Variants in MSH6 observed in about 807,000 individuals in gnomAD.
The protein encoded by MSH6 is DNA mismatch repair protein Msh6.
A neutral mutation model predicts 119.1 loss-of-function variants in MSH6; 85 were observed. The observed-to-expected ratio is 0.71, with a 90% confidence interval of 0.60 to 0.85. The LOEUF (loss-of-function observed/expected upper bound fraction) is 0.85. Ranked by LOEUF, MSH6 falls within the 40% of genes least tolerant of loss-of-function variation. The pLI is 0.00. For synonymous variants in MSH6, 830 were observed against 586.9 expected (o/e 1.41, Z -5.99); for missense variants, 2,163 against 1,655.3 (o/e 1.31, Z -5.32).
intron 2 of MSH6, among the ~76,000 whole-genome samples, chr2:47,792,697 CA>C (rs1668810490): frequency 2.0e-5 from 3 of 152,022 alleles, no homozygotes; most frequent in African/African-American, 7.2e-5. Flanking sequence ...ATGGGGGTCT[CA>C]CTCTGTCACC....
chr2:47,792,846 G>GTTTTTT (rs11335797), intron 2 of MSH6, among the ~76,000 whole-genome samples: 1 of 114,426 alleles, frequency 8.7e-6, no homozygotes, highest in African/African-American at 3.3e-5. Flanking sequence ...TTTTTATATA[G>GTTTTTT]TTTTTTTTTT....
At position 47,799,142 on chromosome 2, in the gene MSH6, G is replaced by A. The variant is rs746532720; in HGVS notation, c.1159G>A (p.Asp387Asn). The change falls in exon 4 of 10, where the codon GAT becomes AAT. Residue 387 changes from aspartate (D) to asparagine (N), a missense_variant. Transcript: ENST00000234420. ...KRRDEHRRRP[D>N]HPDFDASTLY... is the part of the protein sequence containing the mutation. ...AAGAGATGAGCACAGGAGGAGGCCT[G>A]ATCACCCCGATTTTGATGCATCTAC... 1.9e-6 allele frequency: 3 copies of A among 1,613,698 alleles called. No homozygotes were observed. In the East Asian group the frequency reaches 6.7e-5, roughly 36 times the overall value.
intron 2 of MSH6, among the ~76,000 whole-genome samples, chr2:47,792,027 G>C (rs1178960672): frequency 6.6e-6 from 1 of 152,092 alleles, no homozygotes; most frequent in South Asian, 2.1e-4. Context: ...TTTATTTCTA[G>C]TAGAGATGGG....
chr2:47,797,565 C>T (rs556949578), intron 3 of MSH6, among the ~76,000 whole-genome samples: 4 of 152,246 alleles, frequency 2.6e-5, no homozygotes, highest in South Asian at 2.1e-4. Context: ...ATGAGCATAT[C>T]GCCTCCTGAT....
intron 1 of MSH6, among the ~76,000 whole-genome samples, chr2:47,787,028 A>C (rs997483693): frequency 3.9e-5 from 6 of 152,168 alleles, no homozygotes; most frequent in African/African-American, 1.4e-4. Flanking sequence ...GGTTTTATTT[A>C]AGAAATCCAC....
In MSH6 at chr2:47,793,318, CAAAAAAAAAA is replaced by C. The variant is rs34250836; in HGVS notation, c.457+2215_457+2224del. On this transcript the variant is annotated intron_variant, in intron 2 of 9. Transcript: ENST00000234420. Reference sequence around the variant, plus strand: ...CCTGGGTGACAGAGCGAGACTGTCTCAAAAAAAAAAAAAAAAAAAAAAAAAAAAAGGCTGG... The same window carrying C: ...CCTGGGTGACAGAGCGAGACTGTCTCAAAAAAAAAAAAAAAAAAAGGCTGG... Among the ~76,000 whole-genome samples the C allele has an allele frequency of 1.2e-3, 58 of 48,820 alleles. 1 individual carries two copies. Among genetic ancestry groups the C allele is most frequent in the Admixed American group, 2.9e-3 (8 of 2,800 alleles). The allele number at this position is 48,820 out of a possible 152,430, so 32.0% of individuals were successfully genotyped here. A position where few individuals can be genotyped will look rare whatever the true frequency, so the allele number is the denominator to read the frequency against.
intron 4 of MSH6, among the ~76,000 whole-genome samples, chr2:47,802,718 G>A (rs3136341): frequency 1.5e-4 from 22 of 148,772 alleles, no homozygotes; most frequent in Admixed American, 6.8e-4. Context: ...TGATCTGAAC[G>A]CAAGTATCTA....
intron 1 of MSH6, among the ~76,000 whole-genome samples, chr2:47,786,578 C>A (rs994068947): frequency 6.6e-6 from 1 of 152,160 alleles, no homozygotes; most frequent in East Asian, 1.9e-4. Context: ...AGGTGATCCA[C>A]CCACCTCAGC....
chr2:47,801,192 A>G (rs2104444729), intron 4 of MSH6, 37 bp downstream of exon 4: 2 of 1,601,724 alleles, frequency 1.2e-6, no homozygotes, highest in Non-Finnish European at 1.7e-6. Context: ...AGGCTTTGAT[A>G]AGTAGTGCTG....
At position 47,795,976 on chromosome 2, in the gene MSH6, T is replaced by C. The variant is rs1800935; in HGVS notation, c.540T>C (p.Asp180=). 0.26 allele frequency: 426,829 copies of C among 1,613,852 alleles called. 61,405 individuals carry two copies. The highest frequency in any genetic ancestry group is 0.3 in the Non-Finnish European group (356,343 of 1,179,854). ...TACTGAGAGCAATGCAACGTGCAGA[T>C]GAAGCCTTAAATAAAGACAAGATTA... is the stretch of plus-strand genomic sequence containing the variant. ...PEILRAMQRA[D]EALNKDKIKR... is the part of the protein sequence containing the mutation. The change falls in exon 3 of 10, where the codon GAT becomes GAC. Residue 180 remains aspartate, a synonymous_variant. Transcript: ENST00000234420.
At chr2:47,802,533 T>A (rs949484918) in intron 4 of MSH6, among the ~76,000 whole-genome samples, 1 of 151,840 alleles carries the variant, frequency 6.6e-6, no homozygotes, top group African/African-American at 2.4e-5. Flanking sequence ...GTTTTTCCCG[T>A]GTTGGCCAGG....
Position 47,806,292 on chromosome 2 carries a change from T to TTCAACTCACTACCATTCATTAGTAG in MSH6, c.3736_3760dup (p.Glu1254ValfsTer29). 1 of 1,614,144 alleles carries TTCAACTCACTACCATTCATTAGTAG rather than the reference T, an allele frequency of 6.2e-7. No individual in the cohort carries two copies. The highest frequency in any genetic ancestry group is 8.5e-7 in the Non-Finnish European group (1 of 1,180,000). ...AGACTATAAAATGTCGTACATTATT[T>TTCAACTCACTACCATTCATTAGTAG]TCAACTCACTACCATTCATTAGTAG... is the stretch of plus-strand genomic sequence containing the variant. On this transcript the variant is annotated frameshift_variant, in exon 8 of 10. Coordinates refer to ENST00000234420, the MANE Select transcript of MSH6 (RefSeq NM_000179.3). LOFTEE classifies it high-confidence loss of function.
chr2:47,799,130 A>C lies in MSH6; in HGVS notation c.1147A>C (p.Arg383=), dbSNP rs780545039. 6 of 1,614,186 alleles carry C rather than the reference A, an allele frequency of 3.7e-6. No homozygotes were observed. Among genetic ancestry groups the C allele is most frequent in the Middle Eastern group, 1.6e-4 (1 of 6,062 alleles). The change falls in exon 4 of 10, where the codon AGG becomes CGG. Residue 383 remains arginine, a synonymous_variant. Coordinates refer to ENST00000234420, the MANE Select transcript of MSH6 (RefSeq NM_000179.3). ...GGAGGAAAAGAGAAGAGATGAGCAC[A>C]GGAGGAGGCCTGATCACCCCGATTT... is the stretch of plus-strand genomic sequence containing the variant. ...LKEEKRRDEH[R]RRPDHPDFDA... is the part of the protein sequence containing the mutation.
intron 3 of MSH6, 39 bp downstream of exon 3, chr2:47,796,102 G>A (rs760667163): frequency 1.2e-6 from 2 of 1,607,488 alleles, no homozygotes; most frequent in East Asian, 4.5e-5. Context: ...TTTATGTTAG[G>A]GTGATGGGGG....
chr2:47,799,746 A>C lies in MSH6; in HGVS notation c.1763A>C (p.His588Pro), dbSNP rs786202725. 6.2e-7 allele frequency: 1 copy of C among 1,614,208 alleles called. No individual in the cohort carries two copies. Among genetic ancestry groups the C allele is most frequent in the Non-Finnish European group, 8.5e-7 (1 of 1,180,046 alleles). Residue 588 changes from histidine to proline, a missense_variant, in exon 4 of 10, where the codon CAC becomes CCC. Transcript: ENST00000234420. Reference protein sequence around the residue: ...HCSRFRTLVAHYPPVQVLFEK... With the variant: ...HCSRFRTLVAPYPPVQVLFEK... ...TCGAGATTTAGGACTCTAGTGGCAC[A>C]CTATCCCCCAGTACAAGTTTTATTT...
intron 8 of MSH6, 23 bp from the exon 9 acceptor site, chr2:47,806,429 C>A (rs369183135): frequency 6.2e-7 from 1 of 1,613,584 alleles, no homozygotes; most frequent in Non-Finnish European, 8.5e-7. Context: ...GCACATGTAT[C>A]GCTAATATTT....
chr2:47,786,269 T>C (rs551314236), intron 1 of MSH6, among the ~76,000 whole-genome samples: 5 of 152,024 alleles, frequency 3.3e-5, no homozygotes, highest in Non-Finnish European at 7.4e-5. Flanking sequence ...TCATGAACAG[T>C]CTGATGAGCT....
intron 1 of MSH6, among the ~76,000 whole-genome samples, chr2:47,786,935 C>T (rs1668386361): frequency 6.6e-6 from 1 of 152,154 alleles, no homozygotes. Context: ...CACACCCAGC[C>T]TTATGGCATC....
rs2104312725 is a variant in MSH6 at position 47,798,987 on chromosome 2, A to G, written c.1004A>G (p.Asn335Ser). Residue 335 changes from asparagine to serine, a missense_variant, in exon 4 of 10, where the codon AAT (asparagine) becomes AGT (serine). Asn to Ser is a conservative substitution (Grantham distance 46, BLOSUM62 1). Transcript: ENST00000234420. ...QATSISSETK[N>S]TLRAFSAPQN... ...ACTAGCATTTCATCAGAAACCAAGA[A>G]TACTTTGAGAGCTTTCTCTGCCCCT... 6.2e-7 allele frequency: 1 copy of G among 1,614,230 alleles called. No individual in the cohort carries two copies. The highest frequency in any genetic ancestry group is 8.5e-7 in the Non-Finnish European group (1 of 1,180,030).
Sources: gnomAD v4.1 joint callset for allele counts (sites outside exome capture counted in the v4.1 genomes callset) on GRCh38, gnomAD v4.1.1 for gene constraint, MANE v1.5 for transcripts, NCBI Gene and HGNC (gene_info 2026-07-23, HGNC 2026-07-21) for gene names.